The following TUBGCP3 variants were observed in gnomAD, a reference collection of about 807,000 sequenced individuals.
TUBGCP3 encodes the protein tubulin gamma complex component 3.
A neutral mutation model predicts 123.1 loss-of-function variants in TUBGCP3; 50 were observed. That is an observed-to-expected ratio of 0.41 (90% CI 0.32 to 0.51). The LOEUF is 0.51. Ranked by LOEUF, TUBGCP3 falls within the 20% of genes least tolerant of loss-of-function variation. The pLI is 0.36. For synonymous variants in TUBGCP3, 405 were observed against 413.9 expected (o/e 0.98, Z 0.26); for missense variants, 882 against 1,127.0 (o/e 0.78, Z 3.11).
chr13:112,526,040 T>A (rs1877034341), intron 13 of TUBGCP3, among the ~76,000 whole-genome samples: 1 of 152,082 alleles, frequency 6.6e-6, no homozygotes, highest in African/African-American at 2.4e-5. Flanking sequence ...TATCAGCACA[T>A]CATCATCACC....
chr13:112,534,504 A>G (rs1357065744), intron 11 of TUBGCP3, among the ~76,000 whole-genome samples: 1 of 151,946 alleles, frequency 6.6e-6, no homozygotes, highest in South Asian at 2.1e-4. Context: ...TCGAGATCGC[A>G]CCACTGCACT....
rs1881107452 is a variant in TUBGCP3 at position 112,504,024 on chromosome 13, A to G, written c.2307+8T>C. ...GGTTTCTTGTTTCTAAGCAGGTCGG[A>G]GTCTTACCCTGGAGTCACTGTCCAG... On this transcript the variant is annotated splice_region_variant and intron_variant, in intron 19 of 21. Transcript: ENST00000261965. 1.2e-6 allele frequency: 2 copies of G among 1,605,916 alleles called. No individual in the cohort carries two copies. The highest frequency in any genetic ancestry group is 1.7e-6 in the Non-Finnish European group (2 of 1,174,868).
intron 7 of TUBGCP3, among the ~76,000 whole-genome samples, chr13:112,554,634 G>C (rs1299907196): frequency 1.3e-5 from 2 of 152,212 alleles, no homozygotes; most frequent in Non-Finnish European, 2.9e-5. Context: ...GCAGGATGCA[G>C]AAATCAGCTA....
In TUBGCP3 at chr13:112,511,773, G is replaced by C. The variant is rs1444071356; in HGVS notation, c.2086+4667C>G. Among the ~76,000 whole-genome samples the C allele has an allele frequency of 1.3e-5, 2 of 152,106 alleles. No homozygotes were observed. The highest frequency in any genetic ancestry group is 4.8e-5 in the African/African-American group (2 of 41,432). On this transcript the variant is annotated intron_variant, in intron 17 of 21. Coordinates refer to ENST00000261965, the MANE Select transcript of TUBGCP3 (RefSeq NM_006322.6). This position sits in a 1 kb window ranked among gnomAD's most constrained non-coding sequence, Gnocchi z 4.1. ...GGCCAATCCAACCTTTTCAGATTCT[G>C]GGTCTCAGGCTGCTCTCCACTATAC...
At chr13:112,553,638 CA>C (rs1879779137) in intron 8 of TUBGCP3, among the ~76,000 whole-genome samples, 1 of 152,204 alleles carries the variant, frequency 6.6e-6, no homozygotes, top group East Asian at 1.9e-4. Context: ...GCAGTGTTCC[CA>C]AATCCTGCCT....
chr13:112,553,091 T>A (rs1448929812), intron 8 of TUBGCP3, among the ~76,000 whole-genome samples: 2 of 146,692 alleles, frequency 1.4e-5, no homozygotes, highest in African/African-American at 2.5e-5. Context: ...CCACCAGCCA[T>A]GCTCCTCCCC....
chr13:112,488,819 A>G (rs1879864563), intron 21 of TUBGCP3, among the ~76,000 whole-genome samples: 2 of 129,708 alleles, frequency 1.5e-5, no homozygotes, highest in South Asian at 2.6e-4. Flanking sequence ...GGTCACCCCC[A>G]GGTCCCCACA....
chr13:112,513,176 T>C (rs527306492), intron 17 of TUBGCP3, among the ~76,000 whole-genome samples: 15 of 152,338 alleles, frequency 9.8e-5, no homozygotes, highest in East Asian at 7.7e-4. Flanking sequence ...GTTACCTGTA[T>C]TGGTCCATTT....
chr13:112,547,193 A>G lies in TUBGCP3; in HGVS notation c.1168+427T>C, dbSNP rs544249163. 1.6e-5 allele frequency: 6 copies of G among 375,504 alleles called. No homozygotes were observed. In the South Asian group the frequency reaches 8.8e-4, roughly 55 times the overall value. 23.3% of individuals were successfully genotyped at this position (375,504 alleles called of 1,614,324 possible). The stretch of plus-strand genomic sequence containing the variant: ...GACTGCAGAAGGACTAAAGGCAAAA[A>G]GCAAAATGCAAGGAAAGGCGACCAA... On this transcript the variant is annotated intron_variant, in intron 10 of 21. Transcript: ENST00000261965.
At chr13:112,565,510 C>T (rs1218462165) in intron 2 of TUBGCP3, among the ~76,000 whole-genome samples, 1 of 152,194 alleles carries the variant, frequency 6.6e-6, no homozygotes, top group Non-Finnish European at 1.5e-5. Flanking sequence ...AACCAGTTAA[C>T]AGTGGTCACC....
chr13:112,535,123 A>AT (rs1261772742), intron 11 of TUBGCP3, among the ~76,000 whole-genome samples: 3 of 152,146 alleles, frequency 2.0e-5, no homozygotes, highest in East Asian at 1.9e-4. Flanking sequence ...TCAGATTTTC[A>AT]TTTTTTTGTT....
chr13:112,492,405 A>G lies in TUBGCP3; in HGVS notation c.2449-2708T>C, dbSNP rs111947054. Among the ~76,000 whole-genome samples the G allele has an allele frequency of 8.9e-3, 1,362 of 152,384 alleles. 17 individuals carry two copies. Among genetic ancestry groups the G allele is most frequent in the African/African-American group, 0.031 (1,294 of 41,592 alleles). On this transcript the variant is annotated intron_variant, in intron 20 of 21. Transcript: ENST00000261965. The stretch of plus-strand genomic sequence containing the variant: ...TGTCGTGTAACACATATAAAAAAGT[A>G]TAAAAACTCATACATGAACAGCTTA...
rs2139297407 is a variant in TUBGCP3, at chr13:112,574,662, C to T, written c.77-5403G>A. Among the ~76,000 whole-genome samples the T allele has an allele frequency of 2.0e-5, 3 of 152,310 alleles. 1 individual carries two copies. The highest frequency in any genetic ancestry group is 3.4e-3 in the Middle Eastern group (1 of 294). ...TCCGTCAAGACAGAGTAAGCACACT[C>T]CACTACTGATGACAATGTAAAACTC... On this transcript the variant is annotated intron_variant, in intron 1 of 21. Transcript: ENST00000261965.
At chr13:112,576,829 A>C (rs186219581) in intron 1 of TUBGCP3, among the ~76,000 whole-genome samples, 2 of 152,218 alleles carry the variant, frequency 1.3e-5, no homozygotes, top group Admixed American at 6.5e-5. Flanking sequence ...TCAAATCAAT[A>C]ATCTCAGTTT....
intron 11 of TUBGCP3, among the ~76,000 whole-genome samples, chr13:112,540,014 G>T (rs372422624): frequency 2.8e-4 from 20 of 70,338 alleles, no homozygotes; most frequent in African/African-American, 1.1e-3. Context: ...CTGGGAATGA[G>T]GACGTCAATG....
In TUBGCP3 at chr13:112,511,628, A is replaced by T. The variant is rs921847540; in HGVS notation, c.2086+4812T>A. Among the ~76,000 whole-genome samples, 2 of 152,140 alleles carry T rather than the reference A, an allele frequency of 1.3e-5. No homozygotes were observed. Among genetic ancestry groups the T allele is most frequent in the Admixed American group, 6.5e-5 (1 of 15,280 alleles). Reference sequence around the variant, plus strand: ...TAAGACACATTGAGAACATGAAAGCAATGTGTATCTTAGAAGTGATACAAT... The same window carrying T: ...TAAGACACATTGAGAACATGAAAGCTATGTGTATCTTAGAAGTGATACAAT... On this transcript the variant is annotated intron_variant, in intron 17 of 21. Coordinates refer to ENST00000261965, the MANE Select transcript of TUBGCP3 (RefSeq NM_006322.6). The surrounding 1 kb of genome is among the most constrained non-coding windows in gnomAD (Gnocchi z 4.1).
chr13:112,588,121 G>A lies in TUBGCP3; in HGVS notation c.-141C>T, dbSNP rs1013954373. Reference sequence around the variant, plus strand: ...AAGGCGCGGGCGCCGCCGGCCACCAGGGCGCCATTTTAACGGAACCCGCCG... The same window carrying A: ...AAGGCGCGGGCGCCGCCGGCCACCAAGGCGCCATTTTAACGGAACCCGCCG... On this transcript the variant is annotated 5_prime_UTR_variant, in exon 1 of 22. Coordinates refer to ENST00000261965, the MANE Select transcript of TUBGCP3 (RefSeq NM_006322.6). 11 of 659,078 alleles carry A rather than the reference G, an allele frequency of 1.7e-5. No homozygotes were observed. Among genetic ancestry groups the A allele is most frequent in the Admixed American group, 4.4e-5 (1 of 22,848 alleles). 40.8% of individuals were successfully genotyped at this position (659,078 alleles called of 1,614,324 possible).
intron 14 of TUBGCP3, 92 bp downstream of exon 14, chr13:112,522,228 T>A (rs1231666712): frequency 1.1e-5 from 12 of 1,131,676 alleles, no homozygotes; most frequent in Non-Finnish European, 1.4e-5. Flanking sequence ...ATTCAACTCA[T>A]TTTCTTTTAA....
Position 112,486,208 on chromosome 13 carries a change from T to C in TUBGCP3, c.2566-57A>G, listed in dbSNP as rs1879660951. The C allele has an allele frequency of 4.4e-6, 7 of 1,595,650 alleles. No homozygotes were observed. The East Asian group carries it at 1.6e-4, about 36-fold the overall frequency. On this transcript the variant is annotated intron_variant, in intron 21 of 21. Coordinates refer to ENST00000261965, the MANE Select transcript of TUBGCP3 (RefSeq NM_006322.6). ...TTCAGAAAAGAACAACCCACAAACG[T>C]ATTCCCCGGACCTTAATCTCCTTTG... is the stretch of plus-strand genomic sequence containing the variant.
Sources: allele counts gnomAD v4.1 joint callset (sites outside exome capture counted in the v4.1 genomes callset), GRCh38; gene constraint gnomAD v4.1.1; non-coding constraint Gnocchi (gnomAD v3.1); transcripts MANE v1.5; gene names NCBI Gene and HGNC (gene_info 2026-07-23, HGNC 2026-07-21).